VWA3B: variants seen among roughly 807,000 people sequenced by gnomAD.
The protein encoded by VWA3B is von Willebrand factor A domain containing 3B.
A neutral mutation model predicts 158.3 loss-of-function variants in VWA3B; 138 were observed. That is an observed-to-expected ratio of 0.87 (90% CI 0.76 to 1.00). VWA3B has a LOEUF of 1.00. VWA3B is among the 50% of genes least tolerant of loss of function. The pLI is 0.00. For synonymous variants in VWA3B, 596 were observed against 587.3 expected (o/e 1.01, Z -0.21); for missense variants, 1,555 against 1,565.1 (o/e 0.99, Z 0.11).
intron 21 of VWA3B, among the ~76,000 whole-genome samples, chr2:98,263,018 T>G (rs1687580397): frequency 1.3e-5 from 2 of 151,880 alleles, no homozygotes; most frequent in Non-Finnish European, 2.9e-5. Context: ...TTATTCCTAA[T>G]TTGTTCTTTT....
intron 2 of VWA3B, among the ~76,000 whole-genome samples, chr2:98,112,515 C>T (rs555725975): frequency 7.6e-4 from 115 of 151,900 alleles, no homozygotes; most frequent in Middle Eastern, 3.4e-3. Context: ...AGACATAATC[C>T]GTAACATTTT....
intron 19 of VWA3B, among the ~76,000 whole-genome samples, chr2:98,243,510 A>G (rs1686210121): frequency 6.6e-6 from 1 of 151,908 alleles, no homozygotes; most frequent in East Asian, 1.9e-4. Flanking sequence ...ATTTTTTTGT[A>G]TTTTTAGTAG....
intron 22 of VWA3B, among the ~76,000 whole-genome samples, chr2:98,277,298 C>T (rs17427825): frequency 0.13 from 20,411 of 152,186 alleles, 2,091 homozygotes; most frequent in Non-Finnish European, 0.2. Flanking sequence ...GCAGATTTCA[C>T]CCTCACTAGC....
intron 21 of VWA3B, among the ~76,000 whole-genome samples, chr2:98,266,132 T>A (rs1202479875): frequency 6.7e-6 from 1 of 149,770 alleles, no homozygotes; most frequent in Non-Finnish European, 1.5e-5. Context: ...GCCTATGTCC[T>A]GAATGGTAAT....
At chr2:98,209,850 T>G (rs1558677857) in intron 12 of VWA3B, among the ~76,000 whole-genome samples, 1 of 152,212 alleles carries the variant, frequency 6.6e-6, no homozygotes, top group Non-Finnish European at 1.5e-5. Flanking sequence ...TCCACTTATG[T>G]CTGTTTATTC....
chr2:98,156,683 T>TG lies in VWA3B; in HGVS notation c.989-6168_989-6167insG, dbSNP rs1678110012. ...AAAACTCAGTTTTTTTTTTTTTTTTTTTGTAAATTTGCTCTAAAGGAAACT... is the reference window on the plus strand; with the variant it reads ...AAAACTCAGTTTTTTTTTTTTTTTTTGTTGTAAATTTGCTCTAAAGGAAACT... On this transcript the variant is annotated intron_variant, in intron 7 of 27. Coordinates refer to ENST00000477737, the MANE Select transcript of VWA3B (RefSeq NM_144992.5). Among the ~76,000 whole-genome samples the TG allele has an allele frequency of 6.6e-5, 10 of 151,962 alleles. No homozygotes were observed. The South Asian group carries it at 2.1e-3, about 32-fold the overall frequency.
At chr2:98,158,893 G>T (rs1678333662) in intron 7 of VWA3B, among the ~76,000 whole-genome samples, 1 of 152,106 alleles carries the variant, frequency 6.6e-6, no homozygotes, top group African/African-American at 2.4e-5. Flanking sequence ...GCCAGCCCAG[G>T]GAGCTGGGCC....
chr2:98,254,887 G>A (rs796919993), intron 20 of VWA3B, among the ~76,000 whole-genome samples: 11 of 152,302 alleles, frequency 7.2e-5, no homozygotes, highest in African/African-American at 2.4e-4. Context: ...GCAGGAGAAT[G>A]CAGCCACCCG....
chr2:98,261,562 CT>C (rs1687479942), intron 21 of VWA3B, among the ~76,000 whole-genome samples: 1 of 151,640 alleles, frequency 6.6e-6, no homozygotes, highest in African/African-American at 2.4e-5. Context: ...ATGAAGAGCT[CT>C]TTATAGCATT....
At chr2:98,200,719 C>T (rs963044022) in intron 12 of VWA3B, among the ~76,000 whole-genome samples, 20 of 152,156 alleles carry the variant, frequency 1.3e-4, no homozygotes, top group East Asian at 3.9e-4. Flanking sequence ...GTTTTCTTTA[C>T]GGATTGTGCT....
At chr2:98,319,927 A>AC in the VWA3B span, among the ~76,000 whole-genome samples, 38 of 117,374 alleles carry the variant, frequency 3.2e-4, no homozygotes, top group Non-Finnish European at 6.9e-4. Flanking sequence ...ACAAAACAAA[A>AC]AAACTACATT....
At chr2:98,322,853 A>G in the VWA3B span, among the ~76,000 whole-genome samples, 1 of 152,154 alleles carries the variant, frequency 6.6e-6, no homozygotes, top group Non-Finnish European at 1.5e-5. Context: ...AGCAATTTGA[A>G]GCCATAAGAA....
intron 14 of VWA3B, among the ~76,000 whole-genome samples, chr2:98,221,125 TAAAG>T (rs1251052342): frequency 6.6e-6 from 1 of 150,536 alleles, no homozygotes; most frequent in Non-Finnish European, 1.5e-5. Flanking sequence ...TCCTGGAACT[TAAAG>T]TAAAAAAAAA....
chr2:98,205,697 A>AAAACATATT (rs1682959629), intron 12 of VWA3B, among the ~76,000 whole-genome samples: 1 of 152,216 alleles, frequency 6.6e-6, no homozygotes, highest in Admixed American at 6.5e-5. Context: ...ATGTTGGTAC[A>AAAACATATT]TCCCACAAAT....
intron 8 of VWA3B, among the ~76,000 whole-genome samples, chr2:98,167,152 G>A (rs1025052515): frequency 2.6e-5 from 4 of 152,116 alleles, no homozygotes; most frequent in Admixed American, 6.5e-5. Flanking sequence ...GGGAAGGGGC[G>A]GATTGGAGGA....
At chr2:98,169,177 A>G (rs1419547211) in intron 8 of VWA3B, among the ~76,000 whole-genome samples, 1 of 152,252 alleles carries the variant, frequency 6.6e-6, no homozygotes, top group East Asian at 1.9e-4. Flanking sequence ...ACGGTGGGGC[A>G]GCATTTTTTC....
intron 2 of VWA3B, among the ~76,000 whole-genome samples, chr2:98,113,046 A>ATT (rs1339083752): frequency 2.0e-5 from 3 of 151,212 alleles, no homozygotes; most frequent in South Asian, 2.1e-4. Flanking sequence ...TCCCTCCAAC[A>ATT]TTATATATAT....
chr2:98,292,601 G>A (rs947464964), intron 23 of VWA3B, among the ~76,000 whole-genome samples: 2 of 152,134 alleles, frequency 1.3e-5, no homozygotes, highest in East Asian at 3.8e-4. Context: ...ACCCCTGCTT[G>A]AGAAATTTTG....
At chr2:98,257,691 G>A (rs1327130786) in intron 21 of VWA3B, among the ~76,000 whole-genome samples, 1 of 151,838 alleles carries the variant, frequency 6.6e-6, no homozygotes, top group Non-Finnish European at 1.5e-5. Context: ...TTGGAGAAAT[G>A]TTTATTCAAG....
Sources: gnomAD v4.1 joint callset for allele counts (sites outside exome capture counted in the v4.1 genomes callset) on GRCh38, gnomAD v4.1.1 for gene constraint, MANE v1.5 for transcripts, NCBI Gene and HGNC (gene_info 2026-07-23, HGNC 2026-07-21) for gene names.